The following CSMD3 variants were observed in gnomAD, a reference collection of about 807,000 sequenced individuals.
CSMD3 encodes CUB and Sushi multiple domains 3, also known as CUB and sushi domain-containing protein 3.
A neutral mutation model predicts 435.2 loss-of-function variants in CSMD3; 177 were observed. The observed-to-expected ratio is 0.41, with a 90% CI of 0.36 to 0.46. CSMD3 has a LOEUF of 0.46. Ranked by LOEUF, CSMD3 falls within the 20% of genes least tolerant of loss-of-function variation. The probability of loss-of-function intolerance (pLI) is 0.34; values close to 1 mark genes in which losing one functional copy is unlikely to be tolerated. For synonymous variants in CSMD3, 1,656 were observed against 1,520.5 expected (o/e 1.09, Z -2.07); for missense variants, 4,265 against 4,504.6 (o/e 0.95, Z 1.52).
intron 1 of CSMD3, among the ~76,000 whole-genome samples, chr8:113,323,288 C>T (rs1417250825): frequency 1.3e-5 from 2 of 152,120 alleles, no homozygotes; most frequent in African/African-American, 4.8e-5. Context: ...ACATTGAACA[C>T]TCTTCATTAA....
intron 32 of CSMD3, among the ~76,000 whole-genome samples, chr8:112,431,713 G>T (rs1456746933): frequency 6.6e-6 from 1 of 152,110 alleles, no homozygotes; most frequent in East Asian, 1.9e-4. Flanking sequence ...TTGTCACCCT[G>T]AATGTGAAAC....
chr8:112,325,430 A>G (rs1445325135), intron 45 of CSMD3, among the ~76,000 whole-genome samples: 2 of 152,078 alleles, frequency 1.3e-5, no homozygotes, highest in Admixed American at 1.3e-4. Context: ...ACTTTGTTTC[A>G]CAGTCTGGCA....
rs754155540 is a variant in CSMD3, at chr8:112,255,433, A to T, written c.9863-6T>A. The T allele has an allele frequency of 1.9e-6, 3 of 1,613,438 alleles. No homozygotes were observed. Among genetic ancestry groups the T allele is most frequent in the East Asian group, 2.2e-5 (1 of 44,856 alleles). Reference sequence around the variant, plus strand: ...AGGGTCACCACAAAACTTTGCTGGAAATGAAAAGAAAGACGCTTATATCAA... The same window carrying T: ...AGGGTCACCACAAAACTTTGCTGGATATGAAAAGAAAGACGCTTATATCAA... On this transcript the variant is annotated splice_region_variant and splice_polypyrimidine_tract_variant and intron_variant, in intron 61 of 70. Transcript: ENST00000297405.
chr8:113,110,556 A>G (rs1330751072), intron 4 of CSMD3, among the ~76,000 whole-genome samples: 1 of 152,202 alleles, frequency 6.6e-6, no homozygotes, highest in Non-Finnish European at 1.5e-5. Context: ...AATCGCTTTT[A>G]CCATCCATAT....
rs1161465832 is a variant in CSMD3 at position 113,303,260 on chromosome 8, G to C, written c.401+11311C>G. Among the ~76,000 whole-genome samples the C allele has an allele frequency of 9.0e-3, 1,167 of 129,494 alleles. 14 individuals are homozygous for C. The highest frequency in any genetic ancestry group is 0.033 in the African/African-American group (1,120 of 33,518). 85.0% of individuals were successfully genotyped at this position (129,494 alleles called of 152,430 possible). ...CAAACCACTGCTCAAGGAAATAAAA[G>C]AGGATACAAACAAATGGAAGAATAT... On this transcript the variant is annotated intron_variant, in intron 2 of 70. Coordinates refer to ENST00000297405, the MANE Select transcript of CSMD3 (RefSeq NM_198123.2).
chr8:113,222,744 C>T (rs776350121), intron 3 of CSMD3, among the ~76,000 whole-genome samples: 1 of 150,900 alleles, frequency 6.6e-6, no homozygotes, highest in Non-Finnish European at 1.5e-5. Flanking sequence ...CTCATATTGA[C>T]CTTTTTATTT....
chr8:112,356,507 G>A (rs1826618239), intron 38 of CSMD3, among the ~76,000 whole-genome samples: 1 of 151,936 alleles, frequency 6.6e-6, no homozygotes, highest in African/African-American at 2.4e-5. Context: ...GGGTTACTTG[G>A]TAGGGGAAAG....
intron 1 of CSMD3, among the ~76,000 whole-genome samples, chr8:113,349,926 G>T (rs181928576): frequency 1.3e-4 from 20 of 152,034 alleles, no homozygotes; most frequent in Admixed American, 4.6e-4. Context: ...CCAATAGAAT[G>T]CAACAGAAGC....
intron 18 of CSMD3, among the ~76,000 whole-genome samples, chr8:112,655,212 A>G (rs1033374821): frequency 6.6e-6 from 1 of 152,130 alleles, no homozygotes; most frequent in Non-Finnish European, 1.5e-5. Context: ...ATAAAACTAT[A>G]TATTTCAAAT....
In CSMD3 at chr8:112,587,202, C is replaced by T. The variant is rs866773159; in HGVS notation, c.3749G>A (p.Gly1250Glu). 6.2e-7 allele frequency: 1 copy of T among 1,609,922 alleles called. No individual in the cohort carries two copies. Among genetic ancestry groups the T allele is most frequent in the Non-Finnish European group, 8.5e-7 (1 of 1,177,096 alleles). The stretch of plus-strand genomic sequence containing the variant: ...TGGATAATTTGGAGACAGCAAAATT[C>T]CTTCATTATTCGTTGCAGATGCACC... ...ECGASATNNE[G>E]ILLSPNYPLN... Residue 1250 changes from glycine (G) to glutamate (E), a missense_variant, in exon 23 of 71, where the codon GGA becomes GAA. Physicochemically the swap from Gly to Glu is moderately conservative, Grantham distance 98. This residue lies in a region of CSMD3 where 3,255 missense variants were observed against 3,380.2 expected (regional missense o/e 0.96). Coordinates refer to ENST00000297405, the MANE Select transcript of CSMD3 (RefSeq NM_198123.2).
At chr8:112,472,759 C>A in intron 31 of CSMD3, 52 bp from the exon 32 acceptor site, 2 of 935,384 alleles carry the variant, frequency 2.1e-6, no homozygotes, top group South Asian at 1.3e-5. Context: ...TTAAAAAATT[C>A]ATACCATGGT....
intron 1 of CSMD3, among the ~76,000 whole-genome samples, chr8:113,337,865 T>A (rs1203496480): frequency 2.7e-5 from 4 of 150,872 alleles, no homozygotes; most frequent in African/African-American, 9.7e-5. Flanking sequence ...AAAAAAAAAA[T>A]GATAACTAAG....
intron 22 of CSMD3, among the ~76,000 whole-genome samples, chr8:112,629,681 T>C (rs938263662): frequency 6.6e-6 from 1 of 152,196 alleles, no homozygotes; most frequent in Non-Finnish European, 1.5e-5. Context: ...CTTTATCCAG[T>C]GGGCAATGTC....
At chr8:112,796,975 G>C (rs760517229) in intron 13 of CSMD3, among the ~76,000 whole-genome samples, 10 of 151,914 alleles carry the variant, frequency 6.6e-5, no homozygotes, top group Non-Finnish European at 1.2e-4. Flanking sequence ...AATCCTAGTT[G>C]AATAAAAATT....
At chr8:112,869,871 C>T (rs1049412664) in intron 10 of CSMD3, among the ~76,000 whole-genome samples, 5 of 151,910 alleles carry the variant, frequency 3.3e-5, no homozygotes, top group African/African-American at 7.3e-5. Flanking sequence ...ATTGCACACC[C>T]GGGCCTGTTG....
intron 13 of CSMD3, among the ~76,000 whole-genome samples, chr8:112,788,076 C>A (rs189731314): frequency 8.8e-4 from 134 of 152,042 alleles, no homozygotes; most frequent in Admixed American, 8.3e-3. Flanking sequence ...AATTTATATC[C>A]CTACCATGTA....
intron 41 of CSMD3, among the ~76,000 whole-genome samples, chr8:112,345,665 T>C (rs1825595327): frequency 6.6e-6 from 1 of 152,140 alleles, no homozygotes; most frequent in African/African-American, 2.4e-5. Flanking sequence ...ACATGGTAAC[T>C]ATAGTTATTA....
intron 59 of CSMD3, among the ~76,000 whole-genome samples, chr8:112,272,155 T>G (rs1817585337): frequency 6.6e-6 from 1 of 152,174 alleles, no homozygotes. Context: ...CTTCTCAGCC[T>G]CCAGAATTTT....
At chr8:112,619,130 T>C (rs148836253) in intron 22 of CSMD3, among the ~76,000 whole-genome samples, 2 of 152,212 alleles carry the variant, frequency 1.3e-5, no homozygotes, top group African/African-American at 4.8e-5. Flanking sequence ...GCTGATAATA[T>C]TACTTTTCCT....
Sources: allele counts gnomAD v4.1 joint callset (sites outside exome capture counted in the v4.1 genomes callset), GRCh38; gene constraint gnomAD v4.1.1; regional missense constraint gnomAD v4.1.1; transcripts MANE v1.5; gene names NCBI Gene and HGNC (gene_info 2026-07-23, HGNC 2026-07-21).